LRFN2: variants seen among roughly 807,000 people sequenced by gnomAD.
LRFN2 encodes the protein leucine rich repeat and fibronectin type III domain containing 2, also known as leucine-rich repeat and fibronectin type-III domain-containing protein 2.
A neutral mutation model predicts 37.3 loss-of-function variants in LRFN2; 18 were observed. The ratio of observed to expected loss-of-function variants is 0.48; its 90% CI spans 0.33 to 0.72. LRFN2 has a LOEUF of 0.72. Among genes scored for constraint, LRFN2 ranks in the 30% least tolerant of loss-of-function variants. The pLI is 0.02. For missense variants in LRFN2, 1,006 were observed against 1,060.7 expected (o/e 0.95, Z 0.72); for synonymous variants, 556 against 466.6 (o/e 1.19, Z -2.47).
At chr6:40,489,611 AG>A (rs764282965) in intron 1 of LRFN2, among the ~76,000 whole-genome samples, 18 of 152,130 alleles carry the variant, frequency 1.2e-4, no homozygotes, top group Non-Finnish European at 2.2e-4. Flanking sequence ...TTGAGGGATG[AG>A]GCAGGGCTTC....
intron 2 of LRFN2, among the ~76,000 whole-genome samples, chr6:40,409,683 C>T (rs1006478245): frequency 2.0e-5 from 3 of 152,192 alleles, no homozygotes; most frequent in Non-Finnish European, 4.4e-5. Flanking sequence ...CGCACATCTA[C>T]TTGGACACAG....
chr6:40,544,882 T>C (rs1018798233), intron 1 of LRFN2, among the ~76,000 whole-genome samples: 3 of 152,184 alleles, frequency 2.0e-5, no homozygotes, highest in Non-Finnish European at 4.4e-5. Flanking sequence ...ATCTTTATAA[T>C]GAGAAGGAGA....
At chr6:40,564,585 A>G (rs1348755991) in intron 1 of LRFN2, among the ~76,000 whole-genome samples, 2 of 152,088 alleles carry the variant, frequency 1.3e-5, no homozygotes, top group East Asian at 1.9e-4. Context: ...CCCCACCACT[A>G]TAATCTAAAT....
At chr6:40,519,097 C>T (rs948865866) in intron 1 of LRFN2, among the ~76,000 whole-genome samples, 1 of 152,164 alleles carries the variant, frequency 6.6e-6, no homozygotes, top group South Asian at 2.1e-4. Context: ...TTAGGGGACT[C>T]ACTACCTGAG....
intron 1 of LRFN2, among the ~76,000 whole-genome samples, chr6:40,528,100 C>CA (rs1766287371): frequency 6.6e-6 from 1 of 152,194 alleles, no homozygotes; most frequent in African/African-American, 2.4e-5. Context: ...TTTCTTCCGC[C>CA]AGAGTTTAAA....
chr6:40,514,307 T>G (rs1301410514), intron 1 of LRFN2, among the ~76,000 whole-genome samples: 3 of 151,712 alleles, frequency 2.0e-5, no homozygotes, highest in East Asian at 1.9e-4. Flanking sequence ...GTTATATGAG[T>G]TTTTTTTGTT....
chr6:40,572,333 G>T (rs978261333), intron 1 of LRFN2, among the ~76,000 whole-genome samples: 1 of 152,172 alleles, frequency 6.6e-6, no homozygotes, highest in African/African-American at 2.4e-5. Context: ...GAACTTTCTA[G>T]ATCAGCATCA....
chr6:40,571,124 A>G (rs999544421), intron 1 of LRFN2, among the ~76,000 whole-genome samples: 4 of 152,294 alleles, frequency 2.6e-5, no homozygotes, highest in African/African-American at 9.6e-5. Context: ...CAGGACCATC[A>G]TGGTGCATTA....
intron 1 of LRFN2, among the ~76,000 whole-genome samples, chr6:40,439,958 C>T (rs1370854728): frequency 1.3e-5 from 2 of 152,046 alleles, no homozygotes; most frequent in Admixed American, 1.3e-4. Flanking sequence ...GAGCCTCCTG[C>T]TCTCAGAAGG....
intron 1 of LRFN2, among the ~76,000 whole-genome samples, chr6:40,558,428 G>A (rs146194598): frequency 4.0e-4 from 61 of 152,298 alleles, no homozygotes; most frequent in Non-Finnish European, 4.9e-4. Context: ...AGTCCCCAGC[G>A]TTAGAAAGAT....
chr6:40,461,632 T>C (rs1764350962), intron 1 of LRFN2, among the ~76,000 whole-genome samples: 1 of 149,164 alleles, frequency 6.7e-6, no homozygotes, highest in Non-Finnish European at 1.5e-5. Context: ...TATTATAGTT[T>C]GGGGAGACAG....
chr6:40,482,688 C>A (rs912170276), intron 1 of LRFN2, among the ~76,000 whole-genome samples: 1 of 152,214 alleles, frequency 6.6e-6, no homozygotes, highest in Non-Finnish European at 1.5e-5. Context: ...CAGCAGCTTC[C>A]CCCACTGCGC....
At chr6:40,554,347 G>A (rs193282650) in intron 1 of LRFN2, among the ~76,000 whole-genome samples, 51 of 152,170 alleles carry the variant, frequency 3.4e-4, no homozygotes, top group Non-Finnish European at 5.6e-4. Context: ...CCTCCTAAAC[G>A]GCTGTCTCCC....
At chr6:40,522,475 A>G (rs1052992506) in intron 1 of LRFN2, among the ~76,000 whole-genome samples, 2 of 152,134 alleles carry the variant, frequency 1.3e-5, no homozygotes, top group Non-Finnish European at 2.9e-5. Context: ...TCCTGGGGGA[A>G]GTGGGTAGGT....
At chr6:40,572,408 T>G (rs552774999) in intron 1 of LRFN2, among the ~76,000 whole-genome samples, 17 of 152,254 alleles carry the variant, frequency 1.1e-4, no homozygotes, top group South Asian at 4.2e-4. Context: ...ATCTGTTAAA[T>G]GGGGGAGTGA....
intron 1 of LRFN2, among the ~76,000 whole-genome samples, chr6:40,522,631 C>T (rs569573508): frequency 1.7e-4 from 26 of 152,258 alleles, no homozygotes; most frequent in African/African-American, 5.5e-4. Context: ...GCGAGGGGAC[C>T]GTATAAATTT....
At chr6:40,396,823 C>G (rs1187545005) in intron 2 of LRFN2, among the ~76,000 whole-genome samples, 1 of 152,032 alleles carries the variant, frequency 6.6e-6, no homozygotes, top group Non-Finnish European at 1.5e-5. Context: ...CTCAAAACAG[C>G]CCTGGCTGGC....
chr6:40,504,395 T>C (rs1765472477), intron 1 of LRFN2, among the ~76,000 whole-genome samples: 1 of 152,216 alleles, frequency 6.6e-6, no homozygotes, highest in South Asian at 2.1e-4. Flanking sequence ...GCACAGTGCC[T>C]GGCACACACC....
At chr6:40,461,720 G>A (rs534558999) in intron 1 of LRFN2, among the ~76,000 whole-genome samples, 25 of 152,202 alleles carry the variant, frequency 1.6e-4, no homozygotes, top group Admixed American at 1.5e-3. Flanking sequence ...TAGGAGAGGC[G>A]AGGGAGATTA....
Sources: allele counts gnomAD v4.1 joint callset (sites outside exome capture counted in the v4.1 genomes callset), GRCh38; gene constraint gnomAD v4.1.1; transcripts MANE v1.5; gene names NCBI Gene and HGNC (gene_info 2026-07-23, HGNC 2026-07-21).